ZNF470: variants seen among roughly 807,000 people sequenced by gnomAD.
ZNF470 encodes the protein chondrogenesis zinc finger protein 1.
In ZNF470, 13 loss-of-function variants were observed where a neutral mutation model predicts 13.9. That is an observed-to-expected ratio of 0.94 (90% confidence interval 0.61 to 1.49). The LOEUF is 1.49. Among genes scored for constraint, ZNF470 ranks in the 40% most tolerant of loss-of-function variants. ZNF470 has a pLI of 0.00. For missense variants in ZNF470, 929 were observed against 857.3 expected (o/e 1.08, Z -1.04); for synonymous variants, 293 against 282.9 (o/e 1.04, Z -0.36).
chr19:56,572,298 G>A (rs1452873482), intron 3 of ZNF470, among the ~76,000 whole-genome samples: 1 of 108,878 alleles, frequency 9.2e-6, no homozygotes, highest in Non-Finnish European at 1.7e-5. Flanking sequence ...GAGGCCAGGA[G>A]TTCAAGACCA....
rs1044843768 is a variant in ZNF470 at position 56,568,896 on chromosome 19, G to A, written c.-33+13G>A. 2.0e-5 allele frequency: 3 copies of A among 152,144 alleles called. No individual in the cohort carries two copies. Among genetic ancestry groups the A allele is most frequent in the Admixed American group, 1.3e-4 (2 of 15,274 alleles). 9.4% of individuals were successfully genotyped at this position (152,144 alleles called of 1,614,324 possible). A position where few individuals can be genotyped will look rare whatever the true frequency, so the allele number is the denominator to read the frequency against. ...ACTACTGCCTCAGGTAGGTTTCTTA[G>A]CCACTTTTGACAATTAAAGAAACTG... is the stretch of plus-strand genomic sequence containing the variant. On this transcript the variant is annotated intron_variant, in intron 2 of 5. Transcript: ENST00000330619.
rs750050979 is a variant in ZNF470, at chr19:56,579,849, T to G, written c.*1266T>G. ...ATATTCCAGTAAAAATTTCCATATT[T>G]TTTTAGTTGAGAAGCTGATTCTGAT... On this transcript the variant is annotated 3_prime_UTR_variant, in exon 6 of 6. Transcript: ENST00000330619. The G allele has an allele frequency of 1.5e-5, 11 of 717,962 alleles. No individual in the cohort carries two copies. The highest frequency in any genetic ancestry group is 1.7e-5 in the Non-Finnish European group (10 of 586,338). 44.5% of individuals were successfully genotyped at this position (717,962 alleles called of 1,614,324 possible).
intron 3 of ZNF470, 89 bp downstream of exon 3, chr19:56,570,460 A>G: frequency 7.5e-7 from 1 of 1,325,626 alleles, no homozygotes. Flanking sequence ...TATTGTGCTT[A>G]AGAGTTCCAC....
rs370122937 is a variant in ZNF470, at chr19:56,581,580, A to G, written c.*2997A>G. 13 of 800,060 alleles carry G rather than the reference A, an allele frequency of 1.6e-5. No individual in the cohort carries two copies. In the Admixed American group the frequency reaches 5.0e-4, roughly 31 times the overall value. The allele number at this position is 800,060 out of a possible 1,614,324, so 49.6% of individuals were successfully genotyped here. ...TTATGCAGCTGTTGAAAAAAAATCA[A>G]TGTGTGTAGTCATAGAAAGATAGCT... On this transcript the variant is annotated 3_prime_UTR_variant, in exon 6 of 6. Transcript: ENST00000330619.
chr19:56,580,690 C>T lies in ZNF470; in HGVS notation c.*2107C>T, dbSNP rs1044874863. 1.8e-5 allele frequency: 4 copies of T among 217,436 alleles called. No individual in the cohort carries two copies. Among genetic ancestry groups the T allele is most frequent in the Admixed American group, 1.3e-4 (2 of 15,296 alleles). 13.5% of individuals were successfully genotyped at this position (217,436 alleles called of 1,614,324 possible). A position where few individuals can be genotyped will look rare whatever the true frequency, so the allele number is the denominator to read the frequency against. ...GTATAGAGGGCCATGTGAGGGAAGCCGTTATCCAGAGTACATGACTGCTAG... is the reference window on the plus strand; with the variant it reads ...GTATAGAGGGCCATGTGAGGGAAGCTGTTATCCAGAGTACATGACTGCTAG... On this transcript the variant is annotated 3_prime_UTR_variant, in exon 6 of 6. Transcript: ENST00000330619.
rs187065635 is a variant in ZNF470 at position 56,573,150 on chromosome 19, G to A, written c.61-1244G>A. 2.6e-3 allele frequency among the ~76,000 whole-genome samples: 391 copies of A among 152,272 alleles called. 3 individuals carry two copies. Among genetic ancestry groups the A allele is most frequent in the African/African-American group, 9.0e-3 (372 of 41,558 alleles). On this transcript the variant is annotated intron_variant, in intron 3 of 5. Coordinates refer to ENST00000330619, the MANE Select transcript of ZNF470 (RefSeq NM_001001668.4). ...AAAATAAGATGTAAGAATTATGATTGAAATACTAAATGAAATGTTTCACCT... is the reference window on the plus strand; with the variant it reads ...AAAATAAGATGTAAGAATTATGATTAAAATACTAAATGAAATGTTTCACCT...
chr19:56,580,603 T>A lies in ZNF470; in HGVS notation c.*2020T>A, dbSNP rs1600571810. On this transcript the variant is annotated 3_prime_UTR_variant, in exon 6 of 6. Transcript: ENST00000330619. Reference sequence around the variant, plus strand: ...TGGCCATCCCTGGAAGAGTACTTTTTTTTTTTTTTCAACTGAAGCACCCAG... The same window carrying A: ...TGGCCATCCCTGGAAGAGTACTTTTATTTTTTTTTCAACTGAAGCACCCAG... The A allele has an allele frequency of 6.6e-6, 1 of 152,518 alleles. No individual in the cohort carries two copies. The highest frequency in any genetic ancestry group is 2.4e-5 in the African/African-American group (1 of 41,258). 9.4% of individuals were successfully genotyped at this position (152,518 alleles called of 1,614,324 possible).
At position 56,578,185 on chromosome 19, in the gene ZNF470, C is replaced by T. The variant is rs966294628; in HGVS notation, c.1756C>T (p.Leu586Phe). The change falls in exon 6 of 6, where the codon CTC becomes TTC. Residue 586 changes from leucine to phenylalanine, a missense_variant. Coordinates refer to ENST00000330619, the MANE Select transcript of ZNF470 (RefSeq NM_001001668.4). ...CTCATATCTTGTTCAACATCAGAGA[C>T]TCCACAGTGGCAAAAGACCGTATGA... ...DGSYLVQHQR[L>F]HSGKRPYECL... 6.2e-7 allele frequency: 1 copy of T among 1,613,720 alleles called. No individual in the cohort carries two copies. The highest frequency in any genetic ancestry group is 1.3e-5 in the African/African-American group (1 of 74,834).
rs1181741079 is a variant in ZNF470 at position 56,570,290 on chromosome 19, C to A, written c.-22C>A. On this transcript the variant is annotated 5_prime_UTR_variant, in exon 3 of 6. Transcript: ENST00000330619. ...TCTTTTTCTCCCCAGCTCTACAATC[C>A]CAGAGTAAAGCTCTTCTCCAAATGA... The A allele has an allele frequency of 1.2e-6, 2 of 1,612,224 alleles. No individual in the cohort carries two copies. The highest frequency in any genetic ancestry group is 1.7e-5 in the Admixed American group (1 of 59,966).
Position 56,582,111 on chromosome 19 carries a change from G to C in ZNF470, c.*3528G>C, listed in dbSNP as rs2044540291. The C allele has an allele frequency of 2.0e-6, 2 of 985,292 alleles. No individual in the cohort carries two copies. Among genetic ancestry groups the C allele is most frequent in the Non-Finnish European group, 2.4e-6 (2 of 829,946 alleles). The allele number at this position is 985,292 out of a possible 1,614,324, so 61.0% of individuals were successfully genotyped here. A position where few individuals can be genotyped will look rare whatever the true frequency, so the allele number is the denominator to read the frequency against. ...GTATTGGGAGTTGCTTTTTGGATGAGATGGGGCGAATAAGACTTATATTCT... is the reference window on the plus strand; with the variant it reads ...GTATTGGGAGTTGCTTTTTGGATGACATGGGGCGAATAAGACTTATATTCT... On this transcript the variant is annotated 3_prime_UTR_variant, in exon 6 of 6. Coordinates refer to ENST00000330619, the MANE Select transcript of ZNF470 (RefSeq NM_001001668.4).
In ZNF470 at chr19:56,577,660, G is replaced by A; in HGVS notation, c.1231G>A (p.Gly411Arg). Residue 411 changes from glycine to arginine, a missense_variant, in exon 6 of 6, where the codon GGA becomes AGA. Physicochemically the swap from Gly to Arg is moderately radical, Grantham distance 125. Transcript: ENST00000330619. ...DCGKAFTDHI[G>R]LIQHKRTHTG... Reference sequence around the variant, plus strand: ...TGGGAAGGCTTTCACTGATCACATAGGACTTATTCAGCATAAGAGAACTCA... The same window carrying A: ...TGGGAAGGCTTTCACTGATCACATAAGACTTATTCAGCATAAGAGAACTCA... 1 of 1,610,896 alleles carries A rather than the reference G, an allele frequency of 6.2e-7. No individual in the cohort carries two copies. The highest frequency in any genetic ancestry group is 8.5e-7 in the Non-Finnish European group (1 of 1,177,582).
At chr19:56,572,359 A>T (rs2044458414) in intron 3 of ZNF470, among the ~76,000 whole-genome samples, 1 of 46,600 alleles carries the variant, frequency 2.1e-5, no homozygotes, top group African/African-American at 2.0e-4. Flanking sequence ...AAAAAAAAAA[A>T]AAAAAAAAAA....
Position 56,570,246 on chromosome 19 carries a change from T to C in ZNF470, c.-32-34T>C, listed in dbSNP as rs988620523. 3 of 1,474,902 alleles carry C rather than the reference T, an allele frequency of 2.0e-6. No individual in the cohort carries two copies. The African/African-American group carries it at 4.2e-5, about 20-fold the overall frequency. The allele number at this position is 1,474,902 out of a possible 1,614,324, so 91.4% of individuals were successfully genotyped here. A position where few individuals can be genotyped will look rare whatever the true frequency, so the allele number is the denominator to read the frequency against. ...ATTTTCAGACTTTGATTATTAGTGCTACTTGGTTTCTCACTACTTCTTTTT... is the reference window on the plus strand; with the variant it reads ...ATTTTCAGACTTTGATTATTAGTGCCACTTGGTTTCTCACTACTTCTTTTT... On this transcript the variant is annotated intron_variant, in intron 2 of 5. Coordinates refer to ENST00000330619, the MANE Select transcript of ZNF470 (RefSeq NM_001001668.4).
Position 56,578,936 on chromosome 19 carries a change from G to T in ZNF470, c.*353G>T. On this transcript the variant is annotated 3_prime_UTR_variant, in exon 6 of 6. Transcript: ENST00000330619. ...TATTAAGCAGCAAGTAAACCAAACA[G>T]TAAGTCTAAGACTAAGATTTTAGAG... is the stretch of plus-strand genomic sequence containing the variant. The T allele has an allele frequency of 9.9e-7, 1 of 1,010,836 alleles. No homozygotes were observed. The highest frequency in any genetic ancestry group is 1.2e-6 in the Non-Finnish European group (1 of 846,976). 62.6% of individuals were successfully genotyped at this position (1,010,836 alleles called of 1,614,324 possible).
rs2044477267 is a variant in ZNF470 at position 56,574,685 on chromosome 19, A to G, written c.235A>G (p.Lys79Glu). 1 of 1,613,846 alleles carries G rather than the reference A, an allele frequency of 6.2e-7. No homozygotes were observed. Among genetic ancestry groups the G allele is most frequent in the Non-Finnish European group, 8.5e-7 (1 of 1,179,812 alleles). Reference protein sequence around the residue: ...PDVISLLEQEKDPWVIKGGMN... With the variant: ...PDVISLLEQEEDPWVIKGGMN... ...TGTGATCTCCTTACTGGAGCAAGAG[A>G]AAGACCCTTGGGTGATAAAAGGAGG... The change falls in exon 5 of 6, where the codon AAA becomes GAA. Residue 79 changes from lysine (K) to glutamate (E), a missense_variant. Physicochemically the swap from Lys to Glu is moderately conservative, Grantham distance 56 (BLOSUM62 1). Transcript: ENST00000330619.
chr19:56,580,727 TG>T lies in ZNF470; in HGVS notation c.*2148del. 2.1e-6 allele frequency: 1 copy of T among 467,150 alleles called. No individual in the cohort carries two copies. The highest frequency in any genetic ancestry group is 2.8e-6 in the Non-Finnish European group (1 of 356,924). 28.9% of individuals were successfully genotyped at this position (467,150 alleles called of 1,614,324 possible). A position where few individuals can be genotyped will look rare whatever the true frequency, so the allele number is the denominator to read the frequency against. The stretch of plus-strand genomic sequence containing the variant: ...TACATGACTGCTAGAAAATGGAGTT[TG>T]GGGCTCCCTCTTCACTTCTGCTGAT... On this transcript the variant is annotated 3_prime_UTR_variant, in exon 6 of 6. Coordinates refer to ENST00000330619, the MANE Select transcript of ZNF470 (RefSeq NM_001001668.4).
In ZNF470 at chr19:56,574,521, G is replaced by C. The variant is rs1472057193; in HGVS notation, c.187+1G>C. ...AACTACAGGAACCTAGTTTCAGTGG[G>C]TAAGAGTATCTTCCTCCTGTTGCCT... is the stretch of plus-strand genomic sequence containing the variant. On this transcript the variant is annotated splice_donor_variant, in intron 4 of 5. Coordinates refer to ENST00000330619, the MANE Select transcript of ZNF470 (RefSeq NM_001001668.4). LOFTEE classifies it high-confidence loss of function. 5 of 1,613,654 alleles carry C rather than the reference G, an allele frequency of 3.1e-6. No homozygotes were observed. The highest frequency in any genetic ancestry group is 4.2e-6 in the Non-Finnish European group (5 of 1,179,710).
Position 56,578,216 on chromosome 19 carries a change from T to A in ZNF470, c.1787T>A (p.Leu596His). ...AGTGGCAAAAGACCGTATGAATGTC[T>A]TGAATGTGGGAAGGCATTCAGGCAG... ...LHSGKRPYEC[L>H]ECGKAFRQRA... is the part of the protein sequence containing the mutation. Residue 596 changes from leucine to histidine, a missense_variant, in exon 6 of 6, where the codon CTT becomes CAT. Coordinates refer to ENST00000330619, the MANE Select transcript of ZNF470 (RefSeq NM_001001668.4). The A allele has an allele frequency of 6.2e-7, 1 of 1,613,948 alleles. No homozygotes were observed. The highest frequency in any genetic ancestry group is 8.5e-7 in the Non-Finnish European group (1 of 1,179,942).
chr19:56,574,631 C>T lies in ZNF470; in HGVS notation c.188-7C>T. The T allele has an allele frequency of 6.2e-7, 1 of 1,612,198 alleles. No individual in the cohort carries two copies. The highest frequency in any genetic ancestry group is 8.5e-7 in the Non-Finnish European group (1 of 1,179,330). ...TAGGCAATTTTTATATGTCTTTTTA[C>T]ATGCAGGTCTTTGCATTTCTAAACC... On this transcript the variant is annotated splice_region_variant and splice_polypyrimidine_tract_variant and intron_variant, in intron 4 of 5. Coordinates refer to ENST00000330619, the MANE Select transcript of ZNF470 (RefSeq NM_001001668.4).
Sources: allele counts gnomAD v4.1 joint callset (sites outside exome capture counted in the v4.1 genomes callset), GRCh38; gene constraint gnomAD v4.1.1; transcripts MANE v1.5; gene names NCBI Gene and HGNC (gene_info 2026-07-23, HGNC 2026-07-21).